Variants in ACTR3C observed in about 807,000 individuals in gnomAD.
The protein encoded by ACTR3C is actin-related protein 3C.
In ACTR3C, 18 loss-of-function variants were observed where a neutral mutation model predicts 26.3. The ratio of observed to expected loss-of-function variants is 0.68; its 90% CI spans 0.47 to 1.01. ACTR3C has a LOEUF of 1.01. Among genes scored for constraint, ACTR3C ranks in the 50% least tolerant of loss-of-function variants. The pLI is 0.00. For synonymous variants in ACTR3C, 55 were observed against 94.5 expected (o/e 0.58, Z 2.42); for missense variants, 184 against 250.7 (o/e 0.73, Z 1.80).
At chr7:150,207,985 CA>C in the ACTR3C span, among the ~76,000 whole-genome samples, 1 of 151,984 alleles carries the variant, frequency 6.6e-6, no homozygotes, top group African/African-American at 2.4e-5. Flanking sequence ...AATAGAGAAA[CA>C]GGAAATGGAT....
chr7:149,900,407 C>T, the ACTR3C span, among the ~76,000 whole-genome samples: 1 of 152,006 alleles, frequency 6.6e-6, no homozygotes, highest in Non-Finnish European at 1.5e-5. Context: ...AATCTCTTGA[C>T]CTCATGACCC....
the ACTR3C span, among the ~76,000 whole-genome samples, chr7:150,018,336 T>C: frequency 7.0e-6 from 1 of 142,888 alleles, no homozygotes; most frequent in Admixed American, 6.9e-5. Flanking sequence ...GAGCCACAAC[T>C]GGCCCAGGCA....
At chr7:150,286,149 T>C (rs1345697505) in intron 5 of ACTR3C, among the ~76,000 whole-genome samples, 1 of 152,192 alleles carries the variant, frequency 6.6e-6, no homozygotes, top group African/African-American at 2.4e-5. Flanking sequence ...TAACTATTTG[T>C]GGTATAACCC....
chr7:149,950,010 C>CAGGGAGGCAGTGCACCCAG, the ACTR3C span, among the ~76,000 whole-genome samples: 1 of 141,498 alleles, frequency 7.1e-6, no homozygotes, highest in African/African-American at 3.0e-5. Context: ...AGTGCACCCA[C>CAGGGAGGCAGTGCACCCAG]GGGAGCAGGG....
chr7:149,922,970 CTTTTTTTTTTTT>C, the ACTR3C span, among the ~76,000 whole-genome samples: 21 of 69,154 alleles, frequency 3.0e-4, 1 homozygote, highest in Admixed American at 2.6e-3. Context: ...AAATAAAAGG[CTTTTTTTTTTTT>C]TTTTTTTTTT....
At chr7:150,082,521 C>T in the ACTR3C span, among the ~76,000 whole-genome samples, 2 of 152,130 alleles carry the variant, frequency 1.3e-5, no homozygotes, top group African/African-American at 2.4e-5. Flanking sequence ...TAGGGGGCCT[C>T]GTGGTGGCCT....
the ACTR3C span, among the ~76,000 whole-genome samples, chr7:150,079,755 A>T: frequency 6.6e-6 from 1 of 152,112 alleles, no homozygotes; most frequent in East Asian, 1.9e-4. Context: ...TTGGTCACCA[A>T]GGAGTCTTGC....
the ACTR3C span, among the ~76,000 whole-genome samples, chr7:150,065,769 T>C: frequency 2.0e-5 from 3 of 150,692 alleles, no homozygotes; most frequent in African/African-American, 7.4e-5. Flanking sequence ...CTGGGTTGAA[T>C]AGATGGGGTA....
chr7:150,320,052 A>T (rs908666339), intron 1 of ACTR3C, among the ~76,000 whole-genome samples: 1 of 152,194 alleles, frequency 6.6e-6, no homozygotes, highest in Non-Finnish European at 1.5e-5. Flanking sequence ...CTTGTTTTAG[A>T]GTGTTTCTGG....
the ACTR3C span, among the ~76,000 whole-genome samples, chr7:150,032,756 T>A: frequency 2.0e-5 from 3 of 152,166 alleles, no homozygotes; most frequent in Non-Finnish European, 2.9e-5. Context: ...AACAATAGGT[T>A]ACTTTAGTAG....
the ACTR3C span, among the ~76,000 whole-genome samples, chr7:149,961,432 A>G: frequency 2.0e-5 from 3 of 152,260 alleles, no homozygotes; most frequent in Admixed American, 2.0e-4. Context: ...CAGGAAGTAC[A>G]CAGATAGGAA....
At chr7:150,155,113 T>C in the ACTR3C span, among the ~76,000 whole-genome samples, 1 of 152,218 alleles carries the variant, frequency 6.6e-6, no homozygotes, top group East Asian at 1.9e-4. Context: ...TGCTCTTTTA[T>C]GAGCACTTTT....
At chr7:150,287,572 G>A (rs1246874531) in intron 4 of ACTR3C, among the ~76,000 whole-genome samples, 2 of 152,194 alleles carry the variant, frequency 1.3e-5, no homozygotes, top group Non-Finnish European at 2.9e-5. Context: ...GAGGTGGGCC[G>A]CCCAGCTGGC....
chr7:150,245,553 G>C (rs1174708901), downstream of ACTR3C: 1 of 152,148 alleles, frequency 6.6e-6, no homozygotes, highest in African/African-American at 2.4e-5. Flanking sequence ...CCCCAGGCTG[G>C]AATTACTCAC....
At chr7:149,948,949 A>G in the ACTR3C span, among the ~76,000 whole-genome samples, 3 of 151,458 alleles carry the variant, frequency 2.0e-5, no homozygotes, top group East Asian at 1.9e-4. Flanking sequence ...AGCTTGGGCT[A>G]TCGAAAGCAC....
the ACTR3C span, among the ~76,000 whole-genome samples, chr7:150,028,023 T>C: frequency 2.1e-4 from 32 of 152,012 alleles, no homozygotes; most frequent in Non-Finnish European, 2.7e-4. Flanking sequence ...TTAAAAACTT[T>C]AATAAAAAGA....
the ACTR3C span, among the ~76,000 whole-genome samples, chr7:150,037,566 T>C: frequency 5.9e-4 from 25 of 42,018 alleles, no homozygotes; most frequent in Admixed American, 3.3e-3. Flanking sequence ...ATGGGGGTCC[T>C]AAGAACCCGG....
chr7:150,168,341 G>C, the ACTR3C span, among the ~76,000 whole-genome samples: 1 of 150,586 alleles, frequency 6.6e-6, no homozygotes, highest in Non-Finnish European at 1.5e-5. Flanking sequence ...CCTGTGTAAG[G>C]GATCTAGTCT....
At chr7:150,075,933 A>G in the ACTR3C span, among the ~76,000 whole-genome samples, 1 of 152,308 alleles carries the variant, frequency 6.6e-6, no homozygotes, top group Non-Finnish European at 1.5e-5. Flanking sequence ...CATTTATGAC[A>G]GTACAGTTAC....
Sources: gnomAD v4.1 joint callset for allele counts (sites outside exome capture counted in the v4.1 genomes callset) on GRCh38, gnomAD v4.1.1 for gene constraint, MANE v1.5 for transcripts, NCBI Gene and HGNC (gene_info 2026-07-23, HGNC 2026-07-21) for gene names.